ZKSCAN7: variants seen among roughly 807,000 people sequenced by gnomAD.
ZKSCAN7 encodes the protein zinc finger with KRAB and SCAN domains 7, also known as zinc finger protein with KRAB and SCAN domains 7.
A neutral mutation model predicts 65.3 loss-of-function variants in ZKSCAN7; 38 were observed. The observed-to-expected ratio is 0.58, with a 90% CI of 0.45 to 0.76. ZKSCAN7 has a LOEUF of 0.76. ZKSCAN7 is among the 30% of genes least tolerant of loss of function. The probability of loss-of-function intolerance (pLI) is 0.00; values close to 1 mark genes in which losing one functional copy is unlikely to be tolerated. For synonymous variants in ZKSCAN7, 321 were observed against 321.0 expected (o/e 1.00, Z 0.00); for missense variants, 815 against 913.3 (o/e 0.89, Z 1.39).
downstream of ZKSCAN7, among the ~76,000 whole-genome samples, chr3:44,575,418 A>C (rs183349405): frequency 7.3e-4 from 111 of 152,332 alleles, no homozygotes; most frequent in African/African-American, 2.6e-3. Context: ...GTGAGGATTA[A>C]ATTAGTCAGT....
At chr3:44,581,021 C>G (rs1247082493) in intron 5 of ZKSCAN7, 1 of 1,588,068 alleles carries the variant, frequency 6.3e-7, no homozygotes, top group East Asian at 2.3e-5. Flanking sequence ...CCTTGGCTGC[C>G]GACATGGTCG....
At chr3:44,568,912 T>G (rs1398508162) in intron 5 of ZKSCAN7, among the ~76,000 whole-genome samples, 2 of 152,228 alleles carry the variant, frequency 1.3e-5, no homozygotes, top group Non-Finnish European at 2.9e-5. Context: ...TTTTCTTCAC[T>G]GTGAATCTTT....
At position 44,570,626 on chromosome 3, in the gene ZKSCAN7, C is replaced by G; in HGVS notation, c.1516C>G (p.Arg506Gly). The change falls in exon 6 of 6, where the codon CGA becomes GGA. Residue 506 changes from arginine (R) to glycine (G), a missense_variant. Around this residue, in one of 3 missense-constraint regions of ZKSCAN7, gnomAD observed 578 missense variants for 629.5 expected, o/e 0.92. Transcript: ENST00000426540. ...CAATGAGTGTGGAGAGGCATTCATT[C>G]GAAGCAAAAGTCTTGCTCGACATCA... is the stretch of plus-strand genomic sequence containing the variant. ...ECNECGEAFI[R>G]SKSLARHQVL... is the part of the protein sequence containing the mutation. 6.2e-7 allele frequency: 1 copy of G among 1,613,952 alleles called. No homozygotes were observed.
rs961969516 is a variant in ZKSCAN7 at position 44,570,392 on chromosome 3, G to A, written c.1282G>A (p.Val428Ile). 2.0e-5 allele frequency: 32 copies of A among 1,613,890 alleles called. No homozygotes were observed. The highest frequency in any genetic ancestry group is 4.4e-5 in the South Asian group (4 of 91,062). ...CTTCAGGCAAACCTCCCAGCTCATTGTTCATCTCAGAACCCACACAGGGGA... is the reference window on the plus strand; with the variant it reads ...CTTCAGGCAAACCTCCCAGCTCATTATTCATCTCAGAACCCACACAGGGGA... ...KTFRQTSQLIVHLRTHTGEKP... is the reference protein window; with the variant it reads ...KTFRQTSQLIIHLRTHTGEKP... Residue 428 changes from valine to isoleucine, a missense_variant, in exon 6 of 6, where the codon GTT becomes ATT. This residue lies in a region of ZKSCAN7 where 578 missense variants were observed against 629.5 expected (regional missense o/e 0.92). Transcript: ENST00000426540.
In ZKSCAN7 at chr3:44,569,991, C is replaced by G. The variant is rs1157802667; in HGVS notation, c.881C>G (p.Ser294Cys). ...GAATTTTTTAAAGGATCAGAGTCATCTAACAGGACATCAGGGGGACTCTTT... is the reference window on the plus strand; with the variant it reads ...GAATTTTTTAAAGGATCAGAGTCATGTAACAGGACATCAGGGGGACTCTTT... Reference protein sequence around the residue: ...KQEFFKGSESSNRTSGGLFGV... With the variant: ...KQEFFKGSESCNRTSGGLFGV... The change falls in exon 6 of 6, where the codon TCT becomes TGT. Residue 294 changes from serine (S) to cysteine (C), a missense_variant. By Grantham distance (112) the Ser-to-Cys change is moderately radical. This residue lies in a region of ZKSCAN7 where 578 missense variants were observed against 629.5 expected (regional missense o/e 0.92). Transcript: ENST00000426540. The G allele has an allele frequency of 1.6e-5, 25 of 1,606,656 alleles. No individual in the cohort carries two copies. Among genetic ancestry groups the G allele is most frequent in the Non-Finnish European group, 2.0e-5 (24 of 1,177,298 alleles).
chr3:44,580,589 C>T, intron 5 of ZKSCAN7: 2 of 1,613,864 alleles, frequency 1.2e-6, no homozygotes, highest in Non-Finnish European at 1.7e-6. Context: ...GGGGATAGAC[C>T]ATGAGCATCT....
chr3:44,580,470 C>A, intron 5 of ZKSCAN7: 1 of 1,546,138 alleles, frequency 6.5e-7, no homozygotes. Context: ...ACTGGGGATG[C>A]TGCTGCTGCT....
rs1010310236 is a variant in ZKSCAN7, at chr3:44,571,284, G to A, written c.2174G>A (p.Gly725Glu). ...GEKPYECSEC[G>E]KAFSQRSTFN... ...AAACCTTATGAATGTAGTGAATGTG[G>A]GAAAGCCTTTAGTCAGCGTTCCACT... is the stretch of plus-strand genomic sequence containing the variant. Residue 725 changes from glycine (G) to glutamate (E), a missense_variant, in exon 6 of 6, where the codon GGG (glycine) becomes GAG (glutamate). Transcript: ENST00000426540. The A allele has an allele frequency of 3.1e-6, 5 of 1,614,202 alleles. No homozygotes were observed. Among genetic ancestry groups the A allele is most frequent in the Non-Finnish European group, 4.2e-6 (5 of 1,180,042 alleles).
chr3:44,569,167 C>G (rs1242848377), intron 5 of ZKSCAN7, among the ~76,000 whole-genome samples: 6 of 152,214 alleles, frequency 3.9e-5, no homozygotes, highest in Non-Finnish European at 8.8e-5. Flanking sequence ...GAGGCTGAAG[C>G]CTAACCTACA....
At chr3:44,572,170 G>C, downstream of ZKSCAN7, 2 of 985,344 alleles carry the variant, frequency 2.0e-6, no homozygotes, top group Non-Finnish European at 2.4e-6. Flanking sequence ...CTCTCACATT[G>C]AATTATCCTT....
At chr3:44,559,066 C>T (rs1432623888) in intron 2 of ZKSCAN7, among the ~76,000 whole-genome samples, 2 of 152,036 alleles carry the variant, frequency 1.3e-5, no homozygotes, top group African/African-American at 4.8e-5. Flanking sequence ...CATGAGCTAC[C>T]ACGCCTGGCC....
At chr3:44,581,620 A>C (rs942011752) in intron 5 of ZKSCAN7, among the ~76,000 whole-genome samples, 6 of 152,234 alleles carry the variant, frequency 3.9e-5, no homozygotes, top group African/African-American at 1.4e-4. Context: ...CCACGAAAAA[A>C]GGTATCAGTA....
At chr3:44,580,887 C>T in intron 5 of ZKSCAN7, 1 of 1,613,664 alleles carries the variant, frequency 6.2e-7, no homozygotes, top group Non-Finnish European at 8.5e-7. Context: ...GAGCCAACCG[C>T]CATAAATGGG....
intron 5 of ZKSCAN7, chr3:44,580,102 T>C: frequency 6.2e-7 from 1 of 1,606,220 alleles, no homozygotes; most frequent in African/African-American, 1.3e-5. Context: ...GCCTTCTCAA[T>C]GTCCAAGGCC....
At chr3:44,566,720 A>G (rs1559426482) in intron 3 of ZKSCAN7, among the ~76,000 whole-genome samples, 1 of 151,890 alleles carries the variant, frequency 6.6e-6, no homozygotes, top group Non-Finnish European at 1.5e-5. Context: ...AGCTCACTGT[A>G]GCCTTGAACT....
At position 44,568,341 on chromosome 3, in the gene ZKSCAN7, A is replaced by G; in HGVS notation, c.719A>G (p.Tyr240Cys). ...GCATATGAGGACCTATCTGTAGACT[A>G]CACTCAGAAGAAATGGAAAAGTCTC... ...TVAYEDLSVDYTQKKWKSLTL... is the reference protein window; with the variant it reads ...TVAYEDLSVDCTQKKWKSLTL... Residue 240 changes from tyrosine to cysteine, a missense_variant, in exon 5 of 6, where the codon TAC becomes TGC. Physicochemically the swap from Tyr to Cys is radical, Grantham distance 194 (BLOSUM62 -2). Around this residue, in one of 3 missense-constraint regions of ZKSCAN7, gnomAD observed 578 missense variants for 629.5 expected, o/e 0.92. Transcript: ENST00000426540. The G allele has an allele frequency of 6.2e-7, 1 of 1,614,044 alleles. No homozygotes were observed. The highest frequency in any genetic ancestry group is 1.3e-5 in the African/African-American group (1 of 75,038).
chr3:44,570,234 G>A lies in ZKSCAN7; in HGVS notation c.1124G>A (p.Gly375Glu), dbSNP rs1427653509. ...TCTTCCAGTCCTGTTGAACATGAAG[G>A]AGTTTTAAAGGGACAGAAATCCTAT... Reference protein sequence around the residue: ...PLSSSPVEHEGVLKGQKSYRC... With the variant: ...PLSSSPVEHEEVLKGQKSYRC... Residue 375 changes from glycine (G) to glutamate (E), a missense_variant, in exon 6 of 6, where the codon GGA (glycine) becomes GAA (glutamate). Coordinates refer to ENST00000426540, the MANE Select transcript of ZKSCAN7 (RefSeq NM_001288590.2). The A allele has an allele frequency of 6.2e-7, 1 of 1,614,238 alleles. No homozygotes were observed. Among genetic ancestry groups the A allele is most frequent in the Admixed American group, 1.7e-5 (1 of 60,032 alleles).
intron 4 of ZKSCAN7, 135 bp downstream of exon 4, chr3:44,568,138 G>A (rs2125720308): frequency 1.5e-5 from 23 of 1,540,120 alleles, no homozygotes; most frequent in Non-Finnish European, 2.0e-5. Context: ...TCCCCTGGAG[G>A]TAATGGACTC....
At chr3:44,574,077 G>T (rs762245779), downstream of ZKSCAN7, among the ~76,000 whole-genome samples, 1 of 152,018 alleles carries the variant, frequency 6.6e-6, no homozygotes, top group African/African-American at 2.4e-5. Context: ...TCATTTTCTA[G>T]GTATATAATA....
Sources: gnomAD v4.1 joint callset for allele counts (sites outside exome capture counted in the v4.1 genomes callset) on GRCh38, gnomAD v4.1.1 for gene constraint, gnomAD v4.1.1 regional missense constraint, MANE v1.5 for transcripts, NCBI Gene and HGNC (gene_info 2026-07-23, HGNC 2026-07-21) for gene names.